Variants in MED15 observed in about 807,000 individuals in gnomAD.
MED15 encodes the protein mediator of RNA polymerase II transcription subunit 15.
Under a neutral mutation model 118.7 loss-of-function variants are expected in MED15, and 41 were observed. That is an observed-to-expected ratio of 0.35 (90% CI 0.27 to 0.45). MED15 has a LOEUF of 0.45. MED15 is among the 20% of genes least tolerant of loss of function. The pLI is 1.00. For missense variants in MED15, 740 were observed against 1,025.5 expected (o/e 0.72, Z 3.80); for synonymous variants, 436 against 413.9 (o/e 1.05, Z -0.65).
intron 9 of MED15, among the ~76,000 whole-genome samples, chr22:20,576,243 A>G (rs1163158799): frequency 6.6e-6 from 1 of 152,270 alleles, no homozygotes; most frequent in African/African-American, 2.4e-5. Context: ...TGCCAAAAGA[A>G]CTTTACAATT....
At chr22:20,570,875 C>T (rs1308974788) in intron 8 of MED15, among the ~76,000 whole-genome samples, 2 of 148,250 alleles carry the variant, frequency 1.3e-5, no homozygotes, top group Admixed American at 1.4e-4. Context: ...AAGTGATTGT[C>T]CTGCCTTTGC....
rs772564362 is a variant in MED15 at position 20,507,711 on chromosome 22, G to A, written c.33G>A (p.Arg11=). The change falls in exon 1 of 18, where the codon CGG becomes CGA. Residue 11 remains arginine, a synonymous_variant. Coordinates refer to ENST00000263205, the MANE Select transcript of MED15 (RefSeq NM_001003891.3). The stretch of plus-strand genomic sequence containing the variant: ...TTTCCGGGCAAGAGACCGACTGGCG[G>A]AGCACCGCCTTCCGGCAGAAGCTGG... MDVSGQETDW[R]STAFRQKLVS... 16 of 1,613,956 alleles carry A rather than the reference G, an allele frequency of 9.9e-6. No individual in the cohort carries two copies. In the South Asian group the frequency reaches 1.3e-4, roughly 13 times the overall value.
At chr22:20,552,649 C>A in intron 3 of MED15, 1 of 333,442 alleles carries the variant, frequency 3.0e-6, no homozygotes, top group African/African-American at 2.2e-5. Flanking sequence ...CTCCGCTGGG[C>A]ACTGGGGTCA....
At chr22:20,573,594 C>T (rs1162521903) in intron 8 of MED15, 5 of 152,170 alleles carry the variant, frequency 3.3e-5, no homozygotes, top group Admixed American at 6.5e-5. Context: ...CTGCCTGGCT[C>T]ATCTGATCCA....
Position 20,551,515 on chromosome 22 carries a change from G to T in MED15, c.208+28G>T, listed in dbSNP as rs774498660. On this transcript the variant is annotated intron_variant, in intron 3 of 17. Transcript: ENST00000263205. The stretch of plus-strand genomic sequence containing the variant: ...AAGTAAGATTTTGCATTTCTGGGTT[G>T]TTGAGATCTCTGTGAGAGGCCAGCC... 4 of 1,608,638 alleles carry T rather than the reference G, an allele frequency of 2.5e-6. No homozygotes were observed. The South Asian group carries it at 3.3e-5, about 13-fold the overall frequency.
chr22:20,555,012 C>T lies in MED15; in HGVS notation c.315C>T (p.Gly105=). The T allele has an allele frequency of 6.2e-7, 1 of 1,612,286 alleles. No individual in the cohort carries two copies. Among genetic ancestry groups the T allele is most frequent in the Non-Finnish European group, 8.5e-7 (1 of 1,180,018 alleles). ...CTGGAATTGGCATGCCTCCTCGGGG[C>T]CCGGGACAGTCTCTGGGCGGGATGG... is the stretch of plus-strand genomic sequence containing the variant. The part of the protein sequence containing the change: ...GAAGIGMPPR[G]PGQSLGGMGS... Residue 105 remains glycine (G), a synonymous_variant, in exon 5 of 18, where the codon GGC becomes GGT. Transcript: ENST00000263205.
At chr22:20,563,664 G>A (rs2056325141) in intron 5 of MED15, among the ~76,000 whole-genome samples, 1 of 152,200 alleles carries the variant, frequency 6.6e-6, no homozygotes, top group African/African-American at 2.4e-5. Flanking sequence ...CACACATCGT[G>A]GTTGTGATAC....
At position 20,566,517 on chromosome 22, in the gene MED15, ACAACAG is replaced by A. The variant is rs749136661; in HGVS notation, c.750_755del (p.Gln261_Gln262del). On this transcript the variant is annotated inframe_deletion, in exon 7 of 18. Coordinates refer to ENST00000263205, the MANE Select transcript of MED15 (RefSeq NM_001003891.3). ...AGCGAATAGCACAGCTGCAGCTCCA[ACAACAG>A]CAACAGCAGCAGCAGCAGCAGCAGC... 9.4e-6 allele frequency: 15 copies of A among 1,602,500 alleles called. No individual in the cohort carries two copies. Among genetic ancestry groups the A allele is most frequent in the South Asian group, 4.4e-5 (4 of 90,606 alleles).
chr22:20,551,284 A>AG (rs749681794), intron 2 of MED15, 152 bp from the exon 3 acceptor site: 1 of 787,504 alleles, frequency 1.3e-6, no homozygotes, highest in Non-Finnish European at 2.3e-6. Context: ...CTCTTCCGAG[A>AG]GGCGGATTCC....
intron 8 of MED15, among the ~76,000 whole-genome samples, chr22:20,569,063 G>A (rs574262719): frequency 3.6e-4 from 55 of 152,312 alleles, no homozygotes; most frequent in South Asian, 3.3e-3. Flanking sequence ...CAGGAGCGTG[G>A]GAGAAGGCAT....
chr22:20,532,116 A>G (rs2054885681), intron 1 of MED15, among the ~76,000 whole-genome samples: 1 of 152,200 alleles, frequency 6.6e-6, no homozygotes, highest in Admixed American at 6.5e-5. Context: ...ACTGGCAGTC[A>G]TGTGACCTGG....
chr22:20,570,189 T>G (rs1176681051), intron 8 of MED15, among the ~76,000 whole-genome samples: 1 of 151,958 alleles, frequency 6.6e-6, no homozygotes, highest in African/African-American at 2.4e-5. Flanking sequence ...CACACCTGGC[T>G]AATTTTTGTA....
Position 20,564,457 on chromosome 22 carries a change from G to C in MED15, c.459G>C (p.Leu153=). 3.1e-6 allele frequency: 5 copies of C among 1,613,572 alleles called. No individual in the cohort carries two copies. Among genetic ancestry groups the C allele is most frequent in the Non-Finnish European group, 3.4e-6 (4 of 1,179,912 alleles). Residue 153 remains leucine, a synonymous_variant, in exon 6 of 18, where the codon CTG becomes CTC. Coordinates refer to ENST00000263205, the MANE Select transcript of MED15 (RefSeq NM_001003891.3). ...VVSTATPQTQ[L]QLQQVALQQQ... Reference sequence around the variant, plus strand: ...ACTCTGGTCTTTTCTCAGCCCAGCTGCAGCTCCAGCAGGTGGCGCTGCAGC... The same window carrying C: ...ACTCTGGTCTTTTCTCAGCCCAGCTCCAGCTCCAGCAGGTGGCGCTGCAGC...
At chr22:20,581,430 GTGGCCCGAGACAGGCGTTCA>G (rs555823960) in intron 9 of MED15, among the ~76,000 whole-genome samples, 151 of 152,288 alleles carry the variant, frequency 9.9e-4, no homozygotes, top group African/African-American at 3.4e-3. Flanking sequence ...GGTGTGAGCC[GTGGCCCGAGACAGGCGTTCA>G]TGGCCAGAGT....
At chr22:20,584,324 TC>T in intron 13 of MED15, 34 bp from the exon 14 acceptor site, 1 of 1,607,952 alleles carries the variant, frequency 6.2e-7, no homozygotes, top group South Asian at 1.1e-5. Flanking sequence ...TGCCATGTCT[TC>T]CACTCTTTCA....
At chr22:20,539,923 G>A (rs929474866) in intron 2 of MED15, among the ~76,000 whole-genome samples, 1 of 152,132 alleles carries the variant, frequency 6.6e-6, no homozygotes, top group Non-Finnish European at 1.5e-5. Flanking sequence ...TGGGTTGTTA[G>A]TCTTTTTATT....
At chr22:20,559,232 G>C (rs532610483) in intron 5 of MED15, among the ~76,000 whole-genome samples, 1 of 152,314 alleles carries the variant, frequency 6.6e-6, no homozygotes, top group Admixed American at 6.5e-5. Context: ...CAATGAAGCA[G>C]ATTTGAAACG....
intron 1 of MED15, among the ~76,000 whole-genome samples, chr22:20,527,752 G>A (rs2054702276): frequency 1.3e-5 from 2 of 152,206 alleles, no homozygotes; most frequent in Non-Finnish European, 2.9e-5. Context: ...AAGGTCAGGA[G>A]TTCGAGACTA....
intron 1 of MED15, 24 bp downstream of exon 1, chr22:20,507,770 G>A (rs540932565): frequency 1.9e-6 from 3 of 1,613,862 alleles, no homozygotes; most frequent in Middle Eastern, 1.7e-4. Flanking sequence ...GGGGCAGGGG[G>A]CTGGATTGTG....
Sources: gnomAD v4.1 joint callset for allele counts (sites outside exome capture counted in the v4.1 genomes callset) on GRCh38, gnomAD v4.1.1 for gene constraint, MANE v1.5 for transcripts, NCBI Gene and HGNC (gene_info 2026-07-23, HGNC 2026-07-21) for gene names.